ANK3: variants seen among roughly 807,000 people sequenced by gnomAD.
The protein encoded by ANK3 is ankyrin 3, also known as ankyrin-3.
In ANK3, 57 loss-of-function variants were observed where a neutral mutation model predicts 370.9. That is an observed-to-expected ratio of 0.15 (90% CI 0.12 to 0.19). ANK3 has a LOEUF of 0.19. Ranked by LOEUF, ANK3 falls within the 10% of genes least tolerant of loss-of-function variation. ANK3 has a pLI of 1.00. For missense variants in ANK3, 4,439 were observed against 5,302.1 expected (o/e 0.84, Z 5.06); for synonymous variants, 1,929 against 1,946.3 (o/e 0.99, Z 0.23).
chr10:60,059,806 C>T (rs200010804), intron 40 of ANK3: 7 of 1,614,250 alleles, frequency 4.3e-6, no homozygotes, highest in South Asian at 1.1e-5. Flanking sequence ...GCGTCTTCTG[C>T]AGTTACGACT....
In ANK3 at chr10:60,477,522, C is replaced by T. The variant is rs1296597637; in HGVS notation, c.96+137664G>A. Among the ~76,000 whole-genome samples, 327 of 114,500 alleles carry T rather than the reference C, an allele frequency of 2.9e-3. 1 individual carries two copies. The highest frequency in any genetic ancestry group is 0.011 in the African/African-American group (315 of 28,378). 75.1% of individuals were successfully genotyped at this position (114,500 alleles called of 152,430 possible). A position where few individuals can be genotyped will look rare whatever the true frequency, so the allele number is the denominator to read the frequency against. On this transcript the variant is annotated intron_variant, in intron 2 of 43. Transcript: ENST00000373827. ...ACTGACAGACAGACAGACATACACA[C>T]ACACACACACACACACACACACACA...
chr10:60,104,431 AG>A (rs2091891139), intron 28 of ANK3, among the ~76,000 whole-genome samples: 1 of 150,930 alleles, frequency 6.6e-6, no homozygotes, highest in Non-Finnish European at 1.5e-5. Context: ...AAAGAAAAGA[AG>A]TAGACCTACA....
At chr10:60,635,892 G>A (rs948433946) in intron 1 of ANK3, among the ~76,000 whole-genome samples, 1 of 152,048 alleles carries the variant, frequency 6.6e-6, no homozygotes, top group African/African-American at 2.4e-5. Context: ...CCACAAGCAG[G>A]ACAACTACTC....
intron 25 of ANK3, among the ~76,000 whole-genome samples, chr10:60,132,479 T>C (rs747136376): frequency 5.9e-5 from 9 of 152,172 alleles, no homozygotes; most frequent in Non-Finnish European, 1.3e-4. Context: ...AAGATGTCTC[T>C]TTCTCTTCCA....
intron 40 of ANK3, chr10:60,061,918 A>G (rs565676735): frequency 6.6e-6 from 1 of 152,294 alleles, no homozygotes; most frequent in East Asian, 1.9e-4. Flanking sequence ...TACTAGAAAA[A>G]TATCCTTAGT....
intron 1 of ANK3, among the ~76,000 whole-genome samples, chr10:60,287,373 C>T (rs1369135178): frequency 1.3e-5 from 2 of 152,088 alleles, no homozygotes; most frequent in Non-Finnish European, 2.9e-5. Context: ...CAGGCCCTTA[C>T]TGTATAATGT....
At chr10:60,313,413 G>A (rs2046764712) in intron 1 of ANK3, among the ~76,000 whole-genome samples, 1 of 152,214 alleles carries the variant, frequency 6.6e-6, no homozygotes, top group Admixed American at 6.5e-5. Flanking sequence ...AGTATGTGCA[G>A]AGAGTAAGGA....
rs139304639 is a variant in ANK3 at position 60,408,447 on chromosome 10, T to C, written c.97-128808A>G. 3.1e-3 allele frequency among the ~76,000 whole-genome samples: 479 copies of C among 152,212 alleles called. 7 individuals carry two copies. Among genetic ancestry groups the C allele is most frequent in the Admixed American group, 0.02 (305 of 15,282 alleles). On this transcript the variant is annotated intron_variant, in intron 2 of 43. Transcript: ENST00000373827. ...CCCAACCTTCCTCCTGATCCAGCCA[T>C]GTGAAGATGCTCGCTCCTGCTTTGT...
chr10:60,187,355 C>T (rs564198456), intron 16 of ANK3, among the ~76,000 whole-genome samples: 5 of 152,082 alleles, frequency 3.3e-5, no homozygotes, highest in African/African-American at 1.2e-4. Flanking sequence ...CGGGGTTTCA[C>T]GGTGTTAGCC....
In ANK3 at chr10:60,290,155, G is replaced by A. The variant is rs74156440; in HGVS notation, c.115-10516C>T. ...GAAGAATGCAACCAATTACACAAAC[G>A]AAAACAACGGTGACATTCATACTAT... is the stretch of plus-strand genomic sequence containing the variant. On this transcript the variant is annotated intron_variant, in intron 1 of 43. Transcript: ENST00000280772. Among the ~76,000 whole-genome samples, 1,009 of 152,204 alleles carry A rather than the reference G, an allele frequency of 6.6e-3. 13 individuals are homozygous for A. Among genetic ancestry groups the A allele is most frequent in the African/African-American group, 0.023 (954 of 41,540 alleles).
intron 2 of ANK3, among the ~76,000 whole-genome samples, chr10:60,491,742 A>T (rs562729337): frequency 2.6e-5 from 4 of 152,196 alleles, no homozygotes; most frequent in Non-Finnish European, 5.9e-5. Context: ...AGTGCTTAAG[A>T]GTACTGATCT....
intron 1 of ANK3, among the ~76,000 whole-genome samples, chr10:60,318,694 T>C (rs1293561781): frequency 2.0e-5 from 3 of 152,124 alleles, no homozygotes; most frequent in Non-Finnish European, 4.4e-5. Context: ...GAACCATCAC[T>C]CCAGAACACC....
At chr10:60,270,038 T>C (rs2097945252) in intron 5 of ANK3, 93 bp downstream of exon 5, 5 of 701,862 alleles carry the variant, frequency 7.1e-6, no homozygotes, top group African/African-American at 3.7e-5. Flanking sequence ...AAAACTTCAA[T>C]TGAAATACTA....
intron 2 of ANK3, among the ~76,000 whole-genome samples, chr10:60,429,183 AT>A (rs2063958133): frequency 6.6e-6 from 1 of 152,154 alleles, no homozygotes; most frequent in South Asian, 2.1e-4. Flanking sequence ...ATGATGCTGA[AT>A]CTCTGTAATC....
chr10:60,709,781 T>C (rs1255417543), intron 1 of ANK3, among the ~76,000 whole-genome samples: 1 of 151,094 alleles, frequency 6.6e-6, no homozygotes, highest in African/African-American at 2.4e-5. Context: ...TGAGCCATGA[T>C]TGCGCCACTA....
intron 2 of ANK3, among the ~76,000 whole-genome samples, chr10:60,427,750 T>G (rs1175468589): frequency 2.0e-5 from 3 of 152,122 alleles, no homozygotes; most frequent in African/African-American, 7.2e-5. Context: ...TAAACAAAAA[T>G]ACTGATGCCA....
chr10:60,038,773 C>T (rs996152961), intron 43 of ANK3, among the ~76,000 whole-genome samples: 1 of 152,118 alleles, frequency 6.6e-6, no homozygotes, highest in African/African-American at 2.4e-5. Context: ...AATGAAAGAT[C>T]ACACACCAAT....
chr10:60,264,276 T>C (rs1454697483), intron 5 of ANK3, among the ~76,000 whole-genome samples: 2 of 152,204 alleles, frequency 1.3e-5, no homozygotes, highest in Admixed American at 6.5e-5. Context: ...TTAATATACA[T>C]TAATTGGGAA....
intron 25 of ANK3, among the ~76,000 whole-genome samples, chr10:60,130,092 G>A (rs2093981317): frequency 6.6e-6 from 1 of 152,172 alleles, no homozygotes. Flanking sequence ...TAAAAGAATA[G>A]GAAGTTCATG....
Sources: allele counts gnomAD v4.1 joint callset (sites outside exome capture counted in the v4.1 genomes callset), GRCh38; gene constraint gnomAD v4.1.1; transcripts MANE v1.5; gene names NCBI Gene and HGNC (gene_info 2026-07-23, HGNC 2026-07-21).